The following CAB39L variants were observed in gnomAD, a reference collection of about 807,000 sequenced individuals.
CAB39L encodes the protein calcium-binding protein 39-like.
A neutral mutation model predicts 39.1 loss-of-function variants in CAB39L; 23 were observed. The ratio of observed to expected loss-of-function variants is 0.59; its 90% CI spans 0.42 to 0.83. CAB39L has a LOEUF of 0.83. CAB39L is among the 40% of genes least tolerant of loss of function. CAB39L has a pLI of 0.00. For missense variants in CAB39L, 366 were observed against 391.9 expected (o/e 0.93, Z 0.56); for synonymous variants, 126 against 137.2 (o/e 0.92, Z 0.57).
chr13:49,386,685 G>T (rs1956368757), intron 3 of CAB39L, among the ~76,000 whole-genome samples: 1 of 151,978 alleles, frequency 6.6e-6, no homozygotes, highest in East Asian at 1.9e-4. Flanking sequence ...CAAAGTTCAT[G>T]CTCTTAAACT....
At chr13:49,318,201 C>A (rs1222907233) in intron 10 of CAB39L, among the ~76,000 whole-genome samples, 3 of 151,880 alleles carry the variant, frequency 2.0e-5, no homozygotes, top group Non-Finnish European at 4.4e-5. Flanking sequence ...ATGGCTCATG[C>A]CTGTAATCCC....
intron 3 of CAB39L, among the ~76,000 whole-genome samples, chr13:49,424,730 T>C (rs535100421): frequency 9.0e-4 from 137 of 152,276 alleles, no homozygotes; most frequent in African/African-American, 3.0e-3. Context: ...AACTTGAGAA[T>C]TAACTTCTCA....
intron 3 of CAB39L, among the ~76,000 whole-genome samples, chr13:49,390,935 G>A (rs544350656): frequency 1.5e-4 from 23 of 152,302 alleles, no homozygotes; most frequent in East Asian, 3.9e-4. Flanking sequence ...TAACTGATGA[G>A]AGAGTAACAA....
chr13:49,432,258 A>G (rs1957339335), intron 3 of CAB39L, among the ~76,000 whole-genome samples: 1 of 152,040 alleles, frequency 6.6e-6, no homozygotes, highest in Non-Finnish European at 1.5e-5. Context: ...GGCTCCAGCA[A>G]TCCTCCCACC....
intron 10 of CAB39L, among the ~76,000 whole-genome samples, chr13:49,324,713 T>A (rs1210120701): frequency 1.3e-5 from 2 of 152,240 alleles, no homozygotes; most frequent in Admixed American, 1.3e-4. Flanking sequence ...ACTTCACAGA[T>A]GGGGTGAGGA....
chr13:49,424,836 T>C (rs906920142), intron 3 of CAB39L, among the ~76,000 whole-genome samples: 1 of 152,188 alleles, frequency 6.6e-6, no homozygotes, highest in African/African-American at 2.4e-5. Flanking sequence ...ATATGGAGAT[T>C]TGCTCCTGAC....
At position 49,309,654 on chromosome 13, in the gene CAB39L, G is replaced by A. The variant is rs1340224248; in HGVS notation, c.*1160C>T. 2.0e-5 allele frequency: 3 copies of A among 152,158 alleles called. No homozygotes were observed. The highest frequency in any genetic ancestry group is 2.9e-5 in the Non-Finnish European group (2 of 68,026). The allele number at this position is 152,158 out of a possible 1,614,324, so 9.4% of individuals were successfully genotyped here. On this transcript the variant is annotated 3_prime_UTR_variant, in exon 11 of 11. Coordinates refer to ENST00000409308, the MANE Select transcript of CAB39L (RefSeq NM_001079670.3). ...ATTCCAAGCCTTTTTATAAGGAAGAGGAATTAACACCTCAATCATCCTAGT... is the reference window on the plus strand; with the variant it reads ...ATTCCAAGCCTTTTTATAAGGAAGAAGAATTAACACCTCAATCATCCTAGT...
chr13:49,319,546 CACTA>C (rs757308567), intron 10 of CAB39L, among the ~76,000 whole-genome samples: 17 of 151,182 alleles, frequency 1.1e-4, no homozygotes, highest in African/African-American at 2.7e-4. Context: ...ATCGTAAATA[CACTA>C]ACTGTTACTG....
chr13:49,328,668 AAAT>A (rs1422523336), intron 10 of CAB39L, among the ~76,000 whole-genome samples: 3 of 152,066 alleles, frequency 2.0e-5, no homozygotes, highest in African/African-American at 7.2e-5. Context: ...TCATCACTGC[AAAT>A]AATAAAAATA....
At chr13:49,355,522 G>C (rs988396244) in intron 6 of CAB39L, among the ~76,000 whole-genome samples, 1 of 152,076 alleles carries the variant, frequency 6.6e-6, no homozygotes, top group Non-Finnish European at 1.5e-5. Context: ...CAACATCCTT[G>C]GTAGAAATTT....
chr13:49,373,503 C>T (rs949032070), intron 5 of CAB39L, among the ~76,000 whole-genome samples: 47 of 152,170 alleles, frequency 3.1e-4, no homozygotes, highest in African/African-American at 1.1e-3. Flanking sequence ...GACTGTTCTG[C>T]TATCCAAAGA....
intron 9 of CAB39L, among the ~76,000 whole-genome samples, chr13:49,338,149 C>A (rs554344428): frequency 2.0e-5 from 3 of 152,106 alleles, no homozygotes; most frequent in Non-Finnish European, 4.4e-5. Flanking sequence ...AGCAAAATTT[C>A]GGTATATACC....
intron 10 of CAB39L, among the ~76,000 whole-genome samples, chr13:49,314,354 G>A (rs1410022604): frequency 6.6e-6 from 1 of 152,186 alleles, no homozygotes; most frequent in East Asian, 1.9e-4. Flanking sequence ...AGCAGCTTCA[G>A]CACAAGTAAG....
intron 9 of CAB39L, among the ~76,000 whole-genome samples, chr13:49,338,744 T>C (rs1954919381): frequency 6.6e-6 from 1 of 152,196 alleles, no homozygotes; most frequent in South Asian, 2.1e-4. Flanking sequence ...AGAGGTGATT[T>C]TTAAAAAACA....
At chr13:49,311,057 T>C (rs576628285) in intron 10 of CAB39L, 64 bp from the exon 11 acceptor site, 2 of 1,480,812 alleles carry the variant, frequency 1.4e-6, no homozygotes, top group Admixed American at 1.9e-5. Flanking sequence ...GCTACAGCAG[T>C]GCAGGCCAGG....
intron 5 of CAB39L, among the ~76,000 whole-genome samples, chr13:49,368,753 T>C (rs948571241): frequency 6.6e-6 from 1 of 152,024 alleles, no homozygotes; most frequent in Non-Finnish European, 1.5e-5. Context: ...GCTGAATGAA[T>C]GAATTATATA....
At chr13:49,382,991 T>C (rs1460635114) in intron 3 of CAB39L, 50 bp from the exon 4 acceptor site, 2 of 713,946 alleles carry the variant, frequency 2.8e-6, no homozygotes, top group Non-Finnish European at 4.7e-6. Flanking sequence ...CTTAATATGC[T>C]TAAATTTTTA....
intron 3 of CAB39L, among the ~76,000 whole-genome samples, chr13:49,417,786 C>G (rs991679830): frequency 1.3e-5 from 2 of 152,162 alleles, no homozygotes; most frequent in Admixed American, 6.5e-5. Flanking sequence ...AATTCTTATC[C>G]CATGTTTTCA....
At chr13:49,372,222 A>G (rs1015225032) in intron 5 of CAB39L, among the ~76,000 whole-genome samples, 1 of 152,114 alleles carries the variant, frequency 6.6e-6, no homozygotes, top group Non-Finnish European at 1.5e-5. Context: ...CTCAGCCACA[A>G]ATCATTTTTT....
Sources: gnomAD v4.1 joint callset for allele counts (sites outside exome capture counted in the v4.1 genomes callset) on GRCh38, gnomAD v4.1.1 for gene constraint, MANE v1.5 for transcripts, NCBI Gene and HGNC (gene_info 2026-07-23, HGNC 2026-07-21) for gene names.